The following DPYD variants were observed in gnomAD, a reference collection of about 807,000 sequenced individuals.
DPYD encodes the protein dihydropyrimidine dehydrogenase [NADP(+)].
In DPYD, 109 loss-of-function variants were observed where a neutral mutation model predicts 116.2. That is an observed-to-expected ratio of 0.94 (90% CI 0.80 to 1.10). The LOEUF is 1.10. Ranked by LOEUF, DPYD falls within the 50% of genes least tolerant of loss-of-function variation. The probability of loss-of-function intolerance (pLI) is 0.00; values close to 1 mark genes in which losing one functional copy is unlikely to be tolerated. For synonymous variants in DPYD, 440 were observed against 432.0 expected, an observed-to-expected ratio of 1.02 and a Z score of -0.23; for missense variants, 1,302 against 1,254.5, an observed-to-expected ratio of 1.04 and a Z score of -0.57.
At chr1:97,509,080 G>T (rs1647582158) in intron 13 of DPYD, among the ~76,000 whole-genome samples, 1 of 151,940 alleles carries the variant, frequency 6.6e-6, no homozygotes, top group African/African-American at 2.4e-5. Flanking sequence ...TCTGTCAACT[G>T]ATTGCAAATC....
At chr1:97,464,551 C>T (rs1430593098) in intron 13 of DPYD, among the ~76,000 whole-genome samples, 3 of 152,128 alleles carry the variant, frequency 2.0e-5, no homozygotes, top group Admixed American at 6.5e-5. Flanking sequence ...GACTTGGTGT[C>T]GTGTCCTGTG....
In DPYD at chr1:97,395,472, C is replaced by T. The variant is rs199750788; in HGVS notation, c.1906-13011G>A. 3.9e-5 allele frequency among the ~76,000 whole-genome samples: 6 copies of T among 152,062 alleles called. No homozygotes were observed. In the East Asian group the frequency reaches 1.2e-3, roughly 30 times the overall value. Reference sequence around the variant, plus strand: ...TTACCAGGGTCAAGTTAATCAATAGCAAAGGCAGGGATTAAGCTCAGGTCT... The same window carrying T: ...TTACCAGGGTCAAGTTAATCAATAGTAAAGGCAGGGATTAAGCTCAGGTCT... On this transcript the variant is annotated intron_variant, in intron 14 of 22. Transcript: ENST00000370192.
chr1:97,523,526 A>G (rs1648839478), intron 12 of DPYD, among the ~76,000 whole-genome samples: 1 of 152,146 alleles, frequency 6.6e-6, no homozygotes, highest in Non-Finnish European at 1.5e-5. Context: ...TACAGAATAA[A>G]GCAGAACCTC....
chr1:97,536,703 C>A (rs1650026008), intron 12 of DPYD, among the ~76,000 whole-genome samples: 1 of 152,158 alleles, frequency 6.6e-6, no homozygotes, highest in African/African-American at 2.4e-5. Flanking sequence ...AAACTAAACA[C>A]CAAATTATAG....
chr1:97,262,482 G>A (rs896213550), intron 18 of DPYD, among the ~76,000 whole-genome samples: 33 of 151,824 alleles, frequency 2.2e-4, no homozygotes, highest in African/African-American at 8.0e-4. Context: ...TCAACTTCCT[G>A]GACAATAAAA....
At chr1:97,080,999 T>C (rs769151733) in intron 22 of DPYD, among the ~76,000 whole-genome samples, 3 of 152,250 alleles carry the variant, frequency 2.0e-5, no homozygotes, top group South Asian at 4.1e-4. Context: ...ATTGGTTAAT[T>C]TGAAAGACGA....
intron 3 of DPYD, 97 bp downstream of exon 3, chr1:97,828,017 C>G (rs1669324041): frequency 1.7e-6 from 2 of 1,150,454 alleles, no homozygotes; most frequent in East Asian, 4.9e-5. Flanking sequence ...GAGAACAGAG[C>G]TGAATGGTGG....
intron 20 of DPYD, among the ~76,000 whole-genome samples, chr1:97,180,245 C>T (rs1657556342): frequency 6.6e-6 from 1 of 152,046 alleles, no homozygotes; most frequent in African/African-American, 2.4e-5. Flanking sequence ...TCTGTTGACT[C>T]TTTACATTAT....
chr1:97,211,704 C>A lies in DPYD; in HGVS notation c.2443-18456G>T, dbSNP rs1343219892. On this transcript the variant is annotated intron_variant, in intron 19 of 22. Transcript: ENST00000370192. ...GTAAGGAAATACTCTAATTTTAATA[C>A]TTTAATACATGGAACACACTTGAGA... 4.6e-5 allele frequency among the ~76,000 whole-genome samples: 7 copies of A among 152,218 alleles called. 1 individual carries two copies. In the East Asian group the frequency reaches 7.7e-4, roughly 17 times the overall value.
chr1:97,224,991 ATCTGTCTG>A lies in DPYD; in HGVS notation c.2442+9853_2442+9860del, dbSNP rs60008635. Among the ~76,000 whole-genome samples the A allele has an allele frequency of 1.4e-3, 199 of 142,496 alleles. 2 individuals carry two copies. The highest frequency in any genetic ancestry group is 7.0e-3 in the Middle Eastern group (2 of 286). 93.5% of individuals were successfully genotyped at this position (142,496 alleles called of 152,430 possible). ...TATGGGAGTACAGATCTATCTAACT[ATCTGTCTG>A]TCTGTCTATCTATCTATCTATCTAT... On this transcript the variant is annotated intron_variant, in intron 19 of 22. Transcript: ENST00000370192.
At chr1:97,184,220 T>A (rs1010353450) in intron 20 of DPYD, among the ~76,000 whole-genome samples, 4 of 152,200 alleles carry the variant, frequency 2.6e-5, no homozygotes, top group Non-Finnish European at 2.9e-5. Flanking sequence ...AGTGCTGCAA[T>A]AAACATATGT....
chr1:97,848,329 C>A (rs1349130130), intron 2 of DPYD, among the ~76,000 whole-genome samples: 1 of 152,192 alleles, frequency 6.6e-6, no homozygotes, highest in African/African-American at 2.4e-5. Context: ...AATCTCCTGA[C>A]CTCGTGATCC....
chr1:97,235,324 T>C (rs1661842965), intron 18 of DPYD, among the ~76,000 whole-genome samples: 3 of 152,144 alleles, frequency 2.0e-5, no homozygotes, highest in South Asian at 2.1e-4. Flanking sequence ...GTGTAAAAGA[T>C]TGCATAGAAT....
intron 16 of DPYD, among the ~76,000 whole-genome samples, chr1:97,339,430 C>CA (rs901188894): frequency 1.1e-4 from 16 of 151,940 alleles, no homozygotes; most frequent in African/African-American, 3.9e-4. Flanking sequence ...CTACTCAGAA[C>CA]AAAAAATAGT....
intron 18 of DPYD, among the ~76,000 whole-genome samples, chr1:97,293,485 C>T (rs1408600017): frequency 6.6e-6 from 1 of 152,140 alleles, no homozygotes; most frequent in East Asian, 1.9e-4. Flanking sequence ...CCTAATTGTG[C>T]CCACCTGATT....
intron 13 of DPYD, among the ~76,000 whole-genome samples, chr1:97,451,753 C>T (rs1676426439): frequency 6.6e-6 from 1 of 152,152 alleles, no homozygotes; most frequent in Middle Eastern, 3.2e-3. Flanking sequence ...CCGGTGTTTT[C>T]ATGGTCTGAG....
chr1:97,751,891 T>C (rs1223293255), intron 3 of DPYD, among the ~76,000 whole-genome samples: 2 of 151,460 alleles, frequency 1.3e-5, no homozygotes, highest in African/African-American at 4.9e-5. Flanking sequence ...GCCTCCCGAG[T>C]AGCTGAGATC....
intron 20 of DPYD, among the ~76,000 whole-genome samples, chr1:97,158,524 C>G (rs1655661204): frequency 6.8e-6 from 1 of 147,068 alleles, no homozygotes; most frequent in Non-Finnish European, 1.5e-5. Flanking sequence ...CACACACACA[C>G]TCTATCCAAA....
Position 97,306,170 on chromosome 1 carries a change from T to C in DPYD, c.2179+7A>G, listed in dbSNP as rs1330785088. The C allele has an allele frequency of 6.2e-7, 1 of 1,612,270 alleles. No homozygotes were observed. The highest frequency in any genetic ancestry group is 1.1e-5 in the South Asian group (1 of 91,064). On this transcript the variant is annotated splice_region_variant and intron_variant, in intron 17 of 22. Transcript: ENST00000370192. ...TAGCGGGCAACTGATTCAAGTCAAGTTCTTACCTTCCTTTGCAGCTCTTGC... is the reference window on the plus strand; with the variant it reads ...TAGCGGGCAACTGATTCAAGTCAAGCTCTTACCTTCCTTTGCAGCTCTTGC...
Sources: allele counts gnomAD v4.1 joint callset (sites outside exome capture counted in the v4.1 genomes callset), GRCh38; gene constraint gnomAD v4.1.1; transcripts MANE v1.5; gene names NCBI Gene and HGNC (gene_info 2026-07-23, HGNC 2026-07-21).